SH2D4A: variants seen among roughly 807,000 people sequenced by gnomAD.
SH2D4A encodes SH2 domain containing 4A, also known as SH2 domain-containing protein 4A.
In SH2D4A, 70 loss-of-function variants were observed where a neutral mutation model predicts 64.7. The ratio of observed to expected loss-of-function variants is 1.08; its 90% CI spans 0.89 to 1.32. The LOEUF is 1.32. Among genes scored for constraint, SH2D4A ranks in the 40% most tolerant of loss-of-function variants. The pLI, the probability that SH2D4A is intolerant of heterozygous loss-of-function variation, is 0.00. For synonymous variants in SH2D4A, 268 were observed against 200.7 expected (o/e 1.34, Z -2.83); for missense variants, 706 against 540.1 (o/e 1.31, Z -3.04).
At chr8:19,354,126 G>T (rs1269048002) in intron 4 of SH2D4A, among the ~76,000 whole-genome samples, 1 of 151,752 alleles carries the variant, frequency 6.6e-6, no homozygotes, top group Non-Finnish European at 1.5e-5. Context: ...GAATAACTGG[G>T]ATTAACAGGC....
At chr8:19,372,996 A>C (rs2053129662) in intron 7 of SH2D4A, among the ~76,000 whole-genome samples, 3 of 152,164 alleles carry the variant, frequency 2.0e-5, no homozygotes, top group Admixed American at 2.0e-4. Flanking sequence ...ATTGTTTGCA[A>C]ATACCTGCTT....
At chr8:19,373,388 C>A in intron 7 of SH2D4A, 142 bp from the exon 8 acceptor site, 1 of 385,246 alleles carries the variant, frequency 2.6e-6, no homozygotes, top group Non-Finnish European at 4.3e-6. Context: ...GTATAAAGCA[C>A]CTCTGGTGTC....
chr8:19,361,276 G>A lies in SH2D4A; in HGVS notation c.668G>A (p.Cys223Tyr), dbSNP rs781497079. Residue 223 changes from cysteine to tyrosine, a missense_variant, in exon 6 of 10, where the codon TGT (cysteine) becomes TAT (tyrosine). Transcript: ENST00000265807. Reference protein sequence around the residue: ...QIEEERTKQICKSWKEDSEWQ... With the variant: ...QIEEERTKQIYKSWKEDSEWQ... ...GAAGAAGAGAGAACGAAGCAGATTT[G>A]TAAGAGCTGGAAAGAAGACTCGGAA... 1 of 1,612,410 alleles carries A rather than the reference G, an allele frequency of 6.2e-7. No homozygotes were observed. The highest frequency in any genetic ancestry group is 1.3e-5 in the African/African-American group (1 of 74,870).
intron 4 of SH2D4A, among the ~76,000 whole-genome samples, chr8:19,353,368 GTT>G (rs71545549): frequency 1.7e-4 from 22 of 131,332 alleles, no homozygotes; most frequent in South Asian, 9.9e-4. Context: ...TAATCATCTA[GTT>G]TTTTTTTTTT....
At chr8:19,382,396 G>A (rs2053309429) in intron 8 of SH2D4A, among the ~76,000 whole-genome samples, 1 of 152,106 alleles carries the variant, frequency 6.6e-6, no homozygotes, top group Admixed American at 6.6e-5. Flanking sequence ...ATGATGGTGT[G>A]AACGTGATAC....
At position 19,368,307 on chromosome 8, in the gene SH2D4A, G is replaced by T. The variant is rs1475861583; in HGVS notation, c.917+4025G>T. On this transcript the variant is annotated intron_variant, in intron 7 of 9. Coordinates refer to ENST00000265807, the MANE Select transcript of SH2D4A (RefSeq NM_022071.4). ...ATTTAGTGTGATGCCTCCCAGCTTTGTTCCTTATGCTACAAATTGTTCTGG... is the reference window on the plus strand; with the variant it reads ...ATTTAGTGTGATGCCTCCCAGCTTTTTTCCTTATGCTACAAATTGTTCTGG... Among the ~76,000 whole-genome samples the T allele has an allele frequency of 2.0e-5, 3 of 152,198 alleles. No homozygotes were observed. In the East Asian group the frequency reaches 5.8e-4, roughly 29 times the overall value.
At chr8:19,379,074 TAA>T (rs56937745) in intron 8 of SH2D4A, among the ~76,000 whole-genome samples, 44 of 133,342 alleles carry the variant, frequency 3.3e-4, no homozygotes, top group Admixed American at 3.8e-4. Flanking sequence ...GACCCTGCCT[TAA>T]AAAAAAAAAA....
intron 6 of SH2D4A, among the ~76,000 whole-genome samples, chr8:19,362,957 C>G (rs2052918181): frequency 6.6e-6 from 1 of 152,126 alleles, no homozygotes; most frequent in Admixed American, 6.5e-5. Flanking sequence ...CTGACTCATC[C>G]CAGAGCAACT....
intron 4 of SH2D4A, among the ~76,000 whole-genome samples, chr8:19,335,371 C>T (rs1371865191): frequency 6.6e-6 from 1 of 152,062 alleles, no homozygotes; most frequent in Non-Finnish European, 1.5e-5. Flanking sequence ...AATAAAGCAC[C>T]CCTATTTCAT....
At chr8:19,358,190 G>T (rs1441134472) in intron 5 of SH2D4A, among the ~76,000 whole-genome samples, 1 of 152,130 alleles carries the variant, frequency 6.6e-6, no homozygotes, top group Admixed American at 6.5e-5. Context: ...TTTAAATGGG[G>T]ACAGCTGAGG....
intron 8 of SH2D4A, among the ~76,000 whole-genome samples, chr8:19,380,836 G>A (rs2053281380): frequency 6.6e-6 from 1 of 151,924 alleles, no homozygotes; most frequent in Admixed American, 6.6e-5. Flanking sequence ...TTCTTTTTCG[G>A]GAGTGTTTTG....
chr8:19,322,158 C>G (rs937307017), intron 2 of SH2D4A, among the ~76,000 whole-genome samples: 1 of 152,208 alleles, frequency 6.6e-6, no homozygotes, highest in African/African-American at 2.4e-5. Flanking sequence ...AAAATCCCAT[C>G]ACTTCTCTTT....
At position 19,319,718 on chromosome 8, in the gene SH2D4A, A is replaced by C; in HGVS notation, c.171A>C (p.Arg57Ser). The change falls in exon 2 of 10, where the codon AGA becomes AGC. Residue 57 changes from arginine (R) to serine (S), a missense_variant. Transcript: ENST00000265807. ...AGGAGTCCCTGCCAGTGAAACCCAG[A>C]CCAAAGAAAGGTAAACTTATCCACG... is the stretch of plus-strand genomic sequence containing the variant. ...ERKESLPVKP[R>S]PKKENGKSVH... 6.3e-7 allele frequency: 1 copy of C among 1,582,586 alleles called. No homozygotes were observed. The highest frequency in any genetic ancestry group is 8.6e-7 in the Non-Finnish European group (1 of 1,168,470).
intron 8 of SH2D4A, among the ~76,000 whole-genome samples, chr8:19,380,932 G>T (rs778025366): frequency 2.4e-4 from 37 of 152,102 alleles, no homozygotes; most frequent in Non-Finnish European, 4.4e-5. Flanking sequence ...GGTAGGGATT[G>T]CATTGAATCT....
At chr8:19,354,153 C>T (rs964174969) in intron 4 of SH2D4A, among the ~76,000 whole-genome samples, 1 of 151,888 alleles carries the variant, frequency 6.6e-6, no homozygotes, top group Non-Finnish European at 1.5e-5. Context: ...CACCATGCAC[C>T]ACCATGCCAG....
rs570151640 is a variant in SH2D4A at position 19,329,593 on chromosome 8, C to G, written c.182-3362C>G. Among the ~76,000 whole-genome samples, 197 of 152,262 alleles carry G rather than the reference C, an allele frequency of 1.3e-3. 1 individual carries two copies. The highest frequency in any genetic ancestry group is 2.7e-3 in the South Asian group (13 of 4,826). ...ATATGGTTTGGATCTGTATCCCCAC[C>G]CAAATCTCATCTTGAATTGTACTCC... On this transcript the variant is annotated intron_variant, in intron 2 of 9. Transcript: ENST00000265807.
intron 2 of SH2D4A, among the ~76,000 whole-genome samples, chr8:19,322,526 C>T (rs1385635386): frequency 6.6e-5 from 10 of 151,896 alleles, no homozygotes; most frequent in Non-Finnish European, 1.0e-4. Flanking sequence ...TTTTTCACTA[C>T]GAATACACAG....
chr8:19,367,828 C>T (rs1426595973), intron 7 of SH2D4A, among the ~76,000 whole-genome samples: 2 of 152,054 alleles, frequency 1.3e-5, no homozygotes, highest in Non-Finnish European at 2.9e-5. Flanking sequence ...ATAATCCCAG[C>T]ACTTTGGGAG....
rs1182948290 is a variant in SH2D4A, at chr8:19,314,041, T to A, written c.-205+218T>A. 3 of 1,120,700 alleles carry A rather than the reference T, an allele frequency of 2.7e-6. No individual in the cohort carries two copies. The African/African-American group carries it at 5.0e-5, about 19-fold the overall frequency. The allele number at this position is 1,120,700 out of a possible 1,614,324, so 69.4% of individuals were successfully genotyped here. Reference sequence around the variant, plus strand: ...GAGCGGCCGCGGCGGGTGTCCGGTGTCCGGTGTCCGGTGTCCGGTGTCTGG... The same window carrying A: ...GAGCGGCCGCGGCGGGTGTCCGGTGACCGGTGTCCGGTGTCCGGTGTCTGG... On this transcript the variant is annotated intron_variant, in intron 1 of 9. Transcript: ENST00000265807.
Sources: gnomAD v4.1 joint callset for allele counts (sites outside exome capture counted in the v4.1 genomes callset) on GRCh38, gnomAD v4.1.1 for gene constraint, MANE v1.5 for transcripts, NCBI Gene and HGNC (gene_info 2026-07-23, HGNC 2026-07-21) for gene names.